SLC7A2: variants seen among roughly 807,000 people sequenced by gnomAD.
SLC7A2 encodes the protein cationic amino acid transporter 2.
A neutral mutation model predicts 58.9 loss-of-function variants in SLC7A2; 48 were observed. The ratio of observed to expected loss-of-function variants is 0.82; its 90% CI spans 0.65 to 1.04. The LOEUF (loss-of-function observed/expected upper bound fraction) is 1.04. Ranked by LOEUF, SLC7A2 falls within the 50% of genes least tolerant of loss-of-function variation. SLC7A2 has a pLI of 0.00. For missense variants in SLC7A2, 1,029 were observed against 818.8 expected (o/e 1.26, Z -3.13); for synonymous variants, 363 against 314.5 (o/e 1.15, Z -1.63).
At chr8:17,524,769 C>T (rs1022734515) in intron 2 of SLC7A2, among the ~76,000 whole-genome samples, 3 of 151,836 alleles carry the variant, frequency 2.0e-5, no homozygotes, top group Non-Finnish European at 4.4e-5. Flanking sequence ...TATTTATGTA[C>T]ATAGTTGTGA....
chr8:17,498,807 C>T (rs1800045799), intron 1 of SLC7A2: 1 of 152,182 alleles, frequency 6.6e-6, no homozygotes, highest in Admixed American at 6.5e-5. Context: ...TCTTTTCATT[C>T]CAGAATCTCT....
At chr8:17,559,176 C>G (rs925438277) in intron 9 of SLC7A2, among the ~76,000 whole-genome samples, 1 of 152,130 alleles carries the variant, frequency 6.6e-6, no homozygotes, top group Admixed American at 6.5e-5. Flanking sequence ...AGAGGCTGCA[C>G]TGAAAAGCCT....
In SLC7A2 at chr8:17,569,253, C is replaced by G. The variant is rs1428107962; in HGVS notation, c.*4107C>G. The G allele has an allele frequency of 6.6e-6, 1 of 152,110 alleles. No homozygotes were observed. Among genetic ancestry groups the G allele is most frequent in the Non-Finnish European group, 1.5e-5 (1 of 68,034 alleles). 9.4% of individuals were successfully genotyped at this position (152,110 alleles called of 1,614,324 possible). A position where few individuals can be genotyped will look rare whatever the true frequency, so the allele number is the denominator to read the frequency against. ...AATACGCTTCAAGCAACTGTTACCA[C>G]AAAAAATACAGTTTCCGCAGGGCTT... On this transcript the variant is annotated 3_prime_UTR_variant, in exon 13 of 13. Transcript: ENST00000494857.
chr8:17,525,872 A>G (rs1801203076), intron 2 of SLC7A2, among the ~76,000 whole-genome samples: 1 of 152,152 alleles, frequency 6.6e-6, no homozygotes, highest in South Asian at 2.1e-4. Context: ...CTGAGTACTG[A>G]GAGTTTGGGA....
intron 2 of SLC7A2, among the ~76,000 whole-genome samples, chr8:17,503,759 G>A (rs1210923619): frequency 2.0e-5 from 3 of 152,190 alleles, no homozygotes; most frequent in Non-Finnish European, 2.9e-5. Flanking sequence ...AGGCTACTCT[G>A]TATGGACTTT....
chr8:17,502,821 G>A (rs1489085701), intron 2 of SLC7A2, among the ~76,000 whole-genome samples: 2 of 151,910 alleles, frequency 1.3e-5, no homozygotes, highest in Non-Finnish European at 2.9e-5. Flanking sequence ...AATTCTTCAC[G>A]GCACACTGCT....
chr8:17,497,082 C>T (rs1464768683), upstream of SLC7A2: 2 of 151,168 alleles, frequency 1.3e-5, no homozygotes, highest in African/African-American at 4.8e-5. Flanking sequence ...GCCCACGTGC[C>T]CAGCCCTCCT....
intron 8 of SLC7A2, 126 bp downstream of exon 8, chr8:17,554,825 T>C (rs1356358817): frequency 4.9e-6 from 7 of 1,440,060 alleles, no homozygotes; most frequent in African/African-American, 1.4e-5. Flanking sequence ...TTTTTGTGAG[T>C]GTTTCCTATT....
intron 2 of SLC7A2, among the ~76,000 whole-genome samples, chr8:17,515,137 G>T (rs1038980923): frequency 1.1e-4 from 17 of 152,114 alleles, no homozygotes; most frequent in African/African-American, 3.9e-4. Flanking sequence ...CTTAAGAAAC[G>T]TTTACCAACT....
upstream of SLC7A2, among the ~76,000 whole-genome samples, chr8:17,494,843 T>G (rs77780283): frequency 3.9e-5 from 6 of 152,350 alleles, no homozygotes. Flanking sequence ...AGAAAGTTGT[T>G]TGAAAGAATT....
At chr8:17,519,521 A>G (rs1260071427) in intron 2 of SLC7A2, among the ~76,000 whole-genome samples, 1 of 152,098 alleles carries the variant, frequency 6.6e-6, no homozygotes, top group African/African-American at 2.4e-5. Flanking sequence ...CTGTATCTGA[A>G]TCCTGTTCCC....
intron 2 of SLC7A2, chr8:17,510,920 A>G (rs1007275298): frequency 1.3e-5 from 2 of 152,268 alleles, no homozygotes; most frequent in African/African-American, 2.4e-5. Context: ...CTATGCAGCC[A>G]TAAAAAGGAA....
chr8:17,563,958 A>G (rs1448859677), intron 12 of SLC7A2, among the ~76,000 whole-genome samples: 2 of 152,242 alleles, frequency 1.3e-5, no homozygotes, highest in Non-Finnish European at 2.9e-5. Flanking sequence ...TGAAACCCAG[A>G]AAAAGTCATT....
chr8:17,552,701 C>A (rs1802511278), intron 7 of SLC7A2, among the ~76,000 whole-genome samples: 1 of 151,900 alleles, frequency 6.6e-6, no homozygotes, highest in Non-Finnish European at 1.5e-5. Flanking sequence ...TCATTGAATC[C>A]CAAGTTTTCA....
rs9792322 is a variant in SLC7A2, at chr8:17,560,248, A to T, written c.1299-80A>T. On this transcript the variant is annotated intron_variant, in intron 9 of 12. Transcript: ENST00000494857. ...ACACTATCACTCTGTATGATGTCTT[A>T]CTTAAGGTTTTAGGTGCTGGTTTCA... is the stretch of plus-strand genomic sequence containing the variant. 41,166 of 987,916 alleles carry T rather than the reference A, an allele frequency of 0.042. 1,467 individuals carry two copies. Among genetic ancestry groups the T allele is most frequent in the East Asian group, 0.15 (5,960 of 39,990 alleles). 61.2% of individuals were successfully genotyped at this position (987,916 alleles called of 1,614,324 possible). A position where few individuals can be genotyped will look rare whatever the true frequency, so the allele number is the denominator to read the frequency against.
chr8:17,548,612 A>G (rs1215248529), intron 4 of SLC7A2, 66 bp from the exon 5 acceptor site: 1 of 1,152,368 alleles, frequency 8.7e-7, no homozygotes, highest in African/African-American at 1.5e-5. Context: ...AAAGTCATGT[A>G]TTTGCCTCAA....
chr8:17,562,186 T>TTTTG (rs1803042767), intron 11 of SLC7A2, 76 bp downstream of exon 11: 2 of 53,954 alleles, frequency 3.7e-5, no homozygotes, highest in Admixed American at 9.2e-4. Flanking sequence ...AAGTATTTTT[T>TTTTG]TTTTTTTTTT....
intron 2 of SLC7A2, among the ~76,000 whole-genome samples, chr8:17,505,856 C>T (rs1265437559): frequency 6.6e-6 from 1 of 152,038 alleles, no homozygotes; most frequent in Non-Finnish European, 1.5e-5. Flanking sequence ...TACTAAAGAC[C>T]AGTGGAAGCA....
At position 17,564,986 on chromosome 8, in the gene SLC7A2, G is replaced by A. The variant is rs1803196806; in HGVS notation, c.1817G>A (p.Ser606Asn). 4 of 1,613,130 alleles carry A rather than the reference G, an allele frequency of 2.5e-6. No individual in the cohort carries two copies. Among genetic ancestry groups the A allele is most frequent in the Non-Finnish European group, 3.4e-6 (4 of 1,179,718 alleles). The change falls in exon 13 of 13, where the codon AGC becomes AAC. Residue 606 changes from serine (S) to asparagine (N), a missense_variant. Coordinates refer to ENST00000494857, the MANE Select transcript of SLC7A2 (RefSeq NM_001370338.1). ...LIYFSYGIRHSLEGHLRDENN... is the reference protein window; with the variant it reads ...LIYFSYGIRHNLEGHLRDENN... ...TACTTTTCTTATGGCATTAGACACAGCCTGGAGGGTCATCTGAGAGATGAA... is the reference window on the plus strand; with the variant it reads ...TACTTTTCTTATGGCATTAGACACAACCTGGAGGGTCATCTGAGAGATGAA...
Sources: allele counts gnomAD v4.1 joint callset (sites outside exome capture counted in the v4.1 genomes callset), GRCh38; gene constraint gnomAD v4.1.1; transcripts MANE v1.5; gene names NCBI Gene and HGNC (gene_info 2026-07-23, HGNC 2026-07-21).